The following MAN2B1 variants were observed in gnomAD, a reference collection of about 807,000 sequenced individuals.
MAN2B1 encodes the protein lysosomal alpha-mannosidase.
A neutral mutation model predicts 127.5 loss-of-function variants in MAN2B1; 99 were observed. The ratio of observed to expected loss-of-function variants is 0.78; its 90% CI spans 0.66 to 0.92. The LOEUF (loss-of-function observed/expected upper bound fraction) is 0.92. Ranked by LOEUF, MAN2B1 falls within the 40% of genes least tolerant of loss-of-function variation. The probability of loss-of-function intolerance (pLI) is 0.00; values close to 1 mark genes in which losing one functional copy is unlikely to be tolerated. For missense variants in MAN2B1, 1,304 were observed against 1,384.8 expected, an observed-to-expected ratio of 0.94 and a Z score of 0.93; for synonymous variants, 573 against 568.8, an observed-to-expected ratio of 1.01 and a Z score of -0.11.
intron 7 of MAN2B1, among the ~76,000 whole-genome samples, chr19:12,660,684 C>T (rs1351724229): frequency 6.6e-6 from 1 of 151,644 alleles, no homozygotes; most frequent in East Asian, 1.9e-4. Context: ...TATATTCTCT[C>T]CTAGAGACTG....
intron 14 of MAN2B1, among the ~76,000 whole-genome samples, chr19:12,653,960 C>T (rs1388089948): frequency 6.6e-6 from 1 of 152,092 alleles, no homozygotes; most frequent in Non-Finnish European, 1.5e-5. Context: ...CTCAGGTGAC[C>T]TGCCAGCCTC....
intron 7 of MAN2B1, among the ~76,000 whole-genome samples, chr19:12,660,247 TG>T (rs2024069121): frequency 6.6e-6 from 1 of 152,234 alleles, no homozygotes; most frequent in South Asian, 2.1e-4. Flanking sequence ...GGCTCACATC[TG>T]TAATCCCAGC....
At chr19:12,648,145 G>C in intron 21 of MAN2B1, 30 bp downstream of exon 21, 1 of 1,520,228 alleles carries the variant, frequency 6.6e-7, no homozygotes. Context: ...CTTCAATCCG[G>C]TCCTCTCTGC....
At chr19:12,654,978 A>C (rs1259048112) in intron 14 of MAN2B1, among the ~76,000 whole-genome samples, 1 of 152,066 alleles carries the variant, frequency 6.6e-6, no homozygotes, top group East Asian at 1.9e-4. Flanking sequence ...TTTTATTATT[A>C]TTCTTTTCAG....
rs2023718055 is a variant in MAN2B1, at chr19:12,647,487, C to T, written c.2776G>A (p.Asp926Asn). 4 of 1,614,252 alleles carry T rather than the reference C, an allele frequency of 2.5e-6. No homozygotes were observed. Among genetic ancestry groups the T allele is most frequent in the South Asian group, 1.1e-5 (1 of 91,088 alleles). Residue 926 changes from aspartate (D) to asparagine (N), a missense_variant, in exon 22 of 24, where the codon GAT becomes AAT. Physicochemically the swap from Asp to Asn is conservative, Grantham distance 23 (BLOSUM62 1). Transcript: ENST00000456935. This position sits in a 1 kb window ranked among gnomAD's most constrained non-coding sequence, Gnocchi z 4.9. The part of the protein sequence containing the change: ...RLEHQFAVGE[D>N]SGRNLSAPVT... ...GGGGCGCTCAGGTTACGTCCGGAAT[C>T]CTCTCCTACGGCAAACTGGTGCTCC...
chr19:12,652,536 CTTTTT>C (rs71168621), intron 14 of MAN2B1, 76 bp from the exon 15 acceptor site: 2 of 779,460 alleles, frequency 2.6e-6, no homozygotes, highest in Middle Eastern at 3.7e-4. Flanking sequence ...TTTCTTTTTT[CTTTTT>C]TTTTTTTTGA....
At position 12,650,113 on chromosome 19, in the gene MAN2B1, A is replaced by G. The variant is rs2023807117; in HGVS notation, c.2156T>C (p.Ile719Thr). ...AGCCTGTGCCACTCACCCCACAGGT[A>G]TCGGCCCCACCGACCACTCTAGCTC... The part of the protein sequence containing the change: ...HLELEWSVGP[I>T]PVGDTWGKEV... The change falls in exon 17 of 24, where the codon ATA (isoleucine) becomes ACA (threonine). Residue 719 changes from isoleucine (I) to threonine (T), a missense_variant. Coordinates refer to ENST00000456935, the MANE Select transcript of MAN2B1 (RefSeq NM_000528.4). The G allele has an allele frequency of 1.9e-6, 3 of 1,613,882 alleles. No individual in the cohort carries two copies. The highest frequency in any genetic ancestry group is 1.7e-6 in the Non-Finnish European group (2 of 1,179,876).
At position 12,663,758 on chromosome 19, in the gene MAN2B1, C is replaced by G. The variant is rs2024164599; in HGVS notation, c.708G>C (p.Glu236Asp). The change falls in exon 5 of 24, where the codon GAG becomes GAC. Residue 236 changes from glutamate to aspartate, a missense_variant. Glu to Asp is a conservative substitution (Grantham distance 45). Coordinates refer to ENST00000456935, the MANE Select transcript of MAN2B1 (RefSeq NM_000528.4). ...GGCTGGTGCTGGCCCGCCACACCTG[C>G]TCCATCTCCAGCTTCTGCATCCGTA... Reference protein sequence around the residue: ...KWVRMQKLEMEQVWRASTSLK... With the variant: ...KWVRMQKLEMDQVWRASTSLK... 1 of 1,614,190 alleles carries G rather than the reference C, an allele frequency of 6.2e-7. No homozygotes were observed. Among genetic ancestry groups the G allele is most frequent in the Non-Finnish European group, 8.5e-7 (1 of 1,180,030 alleles).
chr19:12,648,229 CACCACCTGAGGGGCCAGG>C lies in MAN2B1; in HGVS notation c.2592_2609del (p.Gln868_Pro873del). 1.3e-6 allele frequency: 2 copies of C among 1,586,808 alleles called. No individual in the cohort carries two copies. Among genetic ancestry groups the C allele is most frequent in the Non-Finnish European group, 1.7e-6 (2 of 1,172,048 alleles). On this transcript the variant is annotated inframe_deletion, in exon 21 of 24. Coordinates refer to ENST00000456935, the MANE Select transcript of MAN2B1 (RefSeq NM_000528.4). Reference sequence around the variant, plus strand: ...AGGCGGCGCCGCCACCCGGGGCCAGCACCACCTGAGGGGCCAGGACCTCCTGCTCCGCCAGGAGCCGGT... The same window carrying C: ...AGGCGGCGCCGCCACCCGGGGCCAGCACCTCCTGCTCCGCCAGGAGCCGGT...
chr19:12,658,299 G>C lies in MAN2B1; in HGVS notation c.1155C>G (p.His385Gln). 2 of 1,614,226 alleles carry C rather than the reference G, an allele frequency of 1.2e-6. No individual in the cohort carries two copies. The highest frequency in any genetic ancestry group is 1.7e-6 in the Non-Finnish European group (2 of 1,180,046). ...DDFFPYADGP[H>Q]QFWTGYFSSR... Reference sequence around the variant, plus strand: ...TGGAAAAGTAACCGGTCCAGAACTGGTGGGGGCCATCCGCGTAAGGGAAGA... The same window carrying C: ...TGGAAAAGTAACCGGTCCAGAACTGCTGGGGGCCATCCGCGTAAGGGAAGA... The change falls in exon 9 of 24, where the codon CAC becomes CAG. Residue 385 changes from histidine (H) to glutamine (Q), a missense_variant. Coordinates refer to ENST00000456935, the MANE Select transcript of MAN2B1 (RefSeq NM_000528.4).
At chr19:12,665,854 C>T in intron 1 of MAN2B1, 49 bp from the exon 2 acceptor site, 6 of 1,464,870 alleles carry the variant, frequency 4.1e-6, no homozygotes, top group Non-Finnish European at 5.7e-6. Flanking sequence ...CCCCCGAGGT[C>T]GGGGGCTGCA....
intron 10 of MAN2B1, 98 bp from the exon 11 acceptor site, chr19:12,657,653 G>A: frequency 9.0e-7 from 1 of 1,108,846 alleles, no homozygotes. Flanking sequence ...GATTCTTAGA[G>A]GCTTTAAGAA....
chr19:12,649,607 G>T (rs573921691), intron 18 of MAN2B1, among the ~76,000 whole-genome samples, 179 bp from the exon 19 acceptor site: 3 of 149,954 alleles, frequency 2.0e-5, no homozygotes, highest in Non-Finnish European at 4.4e-5. Context: ...TCAGCCTCCC[G>T]AGTAGCTGGG....
Position 12,649,374 on chromosome 19 carries a change from G to C in MAN2B1, c.2322C>G (p.Asn774Lys), listed in dbSNP as rs760659909. Residue 774 changes from asparagine to lysine, a missense_variant, in exon 19 of 24, where the codon AAC (asparagine) becomes AAG (lysine). Coordinates refer to ENST00000456935, the MANE Select transcript of MAN2B1 (RefSeq NM_000528.4). ...AAATCCGGGTGTTGACTGGATAGTAGTTTCCTGCCACGGGCTCCGTCTGGT... is the reference window on the plus strand; with the variant it reads ...AAATCCGGGTGTTGACTGGATAGTACTTTCCTGCCACGGGCTCCGTCTGGT... Reference protein sequence around the residue: ...KLNQTEPVAGNYYPVNTRIYI... With the variant: ...KLNQTEPVAGKYYPVNTRIYI... 1.9e-6 allele frequency: 3 copies of C among 1,612,578 alleles called. No individual in the cohort carries two copies. The highest frequency in any genetic ancestry group is 1.3e-5 in the African/African-American group (1 of 74,620).
Position 12,664,876 on chromosome 19 carries a change from T to C in MAN2B1, c.546A>G (p.Thr182=). ...CACGGGGTCGCCCATCATTGCCAAATGTGTCCTCCAGAAAGCGCAGCCCAA... is the reference window on the plus strand; with the variant it reads ...CACGGGGTCGCCCATCATTGCCAAACGTGTCCTCCAGAAAGCGCAGCCCAA... ...MTLGLRFLED[T]FGNDGRPRVA... Residue 182 remains threonine (T), a synonymous_variant, in exon 4 of 24, where the codon ACA becomes ACG. Transcript: ENST00000456935. 6.2e-7 allele frequency: 1 copy of C among 1,614,084 alleles called. No individual in the cohort carries two copies.
In MAN2B1 at chr19:12,664,833, G is replaced by A. The variant is rs761530590; in HGVS notation, c.589C>T (p.Pro197Ser). The A allele has an allele frequency of 1.2e-6, 2 of 1,613,900 alleles. No homozygotes were observed. The highest frequency in any genetic ancestry group is 2.2e-5 in the South Asian group (2 of 91,050). Residue 197 changes from proline to serine, a missense_variant, in exon 4 of 24, where the codon CCC becomes TCC. Physicochemically the swap from Pro to Ser is moderately conservative, Grantham distance 74. Transcript: ENST00000456935. ...GCCTGCTCCCGAGAGTGGCCGAAGG[G>A]GTCAATGTGCCAGGCCACACGGGGT... The part of the protein sequence containing the change: ...GRPRVAWHID[P>S]FGHSREQASL...
intron 1 of MAN2B1, 56 bp from the exon 2 acceptor site, chr19:12,665,861 TGC>T: frequency 7.1e-7 from 1 of 1,406,850 alleles, no homozygotes; most frequent in Non-Finnish European, 1.0e-6. Flanking sequence ...GGTCGGGGGC[TGC>T]AGAGTAAGTC....
At chr19:12,664,760 GA>G (rs746386333) in intron 4 of MAN2B1, 31 bp downstream of exon 4, 2 of 1,602,076 alleles carry the variant, frequency 1.2e-6, no homozygotes, top group Non-Finnish European at 8.5e-7. Flanking sequence ...AGTGAGTGAA[GA>G]AGTGGGCCCA....
chr19:12,649,854 C>CCCCCCCGGG, intron 18 of MAN2B1, 59 bp downstream of exon 18: 1 of 1,361,618 alleles, frequency 7.3e-7, no homozygotes, highest in Non-Finnish European at 1.0e-6. Context: ...TTTCCCTCAC[C>CCCCCCCGGG]ACCCCTGGGC....
Sources: gnomAD v4.1 joint callset for allele counts (sites outside exome capture counted in the v4.1 genomes callset) on GRCh38, gnomAD v4.1.1 for gene constraint, Gnocchi (gnomAD v3.1) non-coding constraint, MANE v1.5 for transcripts, NCBI Gene and HGNC (gene_info 2026-07-23, HGNC 2026-07-21) for gene names.